SPACA7: variants seen among roughly 807,000 people sequenced by gnomAD.
The protein encoded by SPACA7 is sperm acrosome-associated protein 7.
In SPACA7, 19 loss-of-function variants were observed where a neutral mutation model predicts 26.3. The observed-to-expected ratio is 0.72, with a 90% confidence interval of 0.50 to 1.06. SPACA7 has a LOEUF of 1.06. Ranked by LOEUF, SPACA7 falls within the 50% of genes least tolerant of loss-of-function variation. The pLI is 0.00. For missense variants in SPACA7, 211 were observed against 229.9 expected, an observed-to-expected ratio of 0.92 and a Z score of 0.53; for synonymous variants, 84 against 84.5, an observed-to-expected ratio of 0.99 and a Z score of 0.04.
At chr13:112,433,164 T>G in intron 6 of SPACA7, among the ~76,000 whole-genome samples, 1 of 149,056 alleles carries the variant, frequency 6.7e-6, no homozygotes, top group Non-Finnish European at 1.5e-5. Context: ...CCTCCCCCCA[T>G]ACCCTGCAGC....
chr13:112,433,695 G>A (rs1877427040), intron 6 of SPACA7, among the ~76,000 whole-genome samples: 1 of 151,630 alleles, frequency 6.6e-6, no homozygotes, highest in Admixed American at 6.6e-5. Flanking sequence ...GGGGCCCCCA[G>A]CCCCCCAAGT....
chr13:112,404,466 TTCTTGCTCATGAAG>T (rs918472759), intron 5 of SPACA7, among the ~76,000 whole-genome samples: 1 of 152,238 alleles, frequency 6.6e-6, no homozygotes, highest in African/African-American at 2.4e-5. Context: ...TGCATTTGGG[TTCTTGCTCATGAAG>T]TCTTTGCCTA....
chr13:112,414,033 G>A (rs1886517959), intron 5 of SPACA7, among the ~76,000 whole-genome samples: 1 of 152,074 alleles, frequency 6.6e-6, no homozygotes, highest in Admixed American at 6.5e-5. Flanking sequence ...CCATGCTCTT[G>A]AACAACCAGC....
Position 112,425,703 on chromosome 13 carries a change from C to T in SPACA7, c.446-6741C>T, listed in dbSNP as rs9577751. ...GAGAGAGAGAGAGAAGCTCTCACAG[C>T]GTAACATGATTTTTTTGTGCCCTGG... On this transcript the variant is annotated intron_variant, in intron 5 of 6. Transcript: ENST00000283550. 8.3e-4 allele frequency among the ~76,000 whole-genome samples: 126 copies of T among 152,114 alleles called. 3 individuals are homozygous for T. The East Asian group carries it at 0.021, about 26-fold the overall frequency.
chr13:112,419,507 G>A (rs1566484350), intron 5 of SPACA7, among the ~76,000 whole-genome samples: 1 of 152,174 alleles, frequency 6.6e-6, no homozygotes, highest in Non-Finnish European at 1.5e-5. Context: ...TTGCGGAGGG[G>A]CAGCAAAGCC....
chr13:112,394,624 G>A (rs1253408077), intron 2 of SPACA7, among the ~76,000 whole-genome samples: 3 of 152,138 alleles, frequency 2.0e-5, no homozygotes, highest in Admixed American at 6.5e-5. Flanking sequence ...TCCCATTCTC[G>A]CTCCTGCCGC....
rs904947662 is a variant in SPACA7, at chr13:112,434,638, G to A, written c.*89G>A. Reference sequence around the variant, plus strand: ...CGGAACAGGGCACTTGTGTGCACACGCCCACGTTCTCTGAACCATTCCACA... The same window carrying A: ...CGGAACAGGGCACTTGTGTGCACACACCCACGTTCTCTGAACCATTCCACA... On this transcript the variant is annotated 3_prime_UTR_variant, in exon 7 of 7. Transcript: ENST00000283550. 1.2e-5 allele frequency: 12 copies of A among 1,033,904 alleles called. No homozygotes were observed. Among genetic ancestry groups the A allele is most frequent in the African/African-American group, 4.8e-5 (3 of 62,824 alleles). 64.0% of individuals were successfully genotyped at this position (1,033,904 alleles called of 1,614,324 possible). A position where few individuals can be genotyped will look rare whatever the true frequency, so the allele number is the denominator to read the frequency against.
At chr13:112,399,845 G>A (rs936432514) in intron 4 of SPACA7, among the ~76,000 whole-genome samples, 1 of 152,160 alleles carries the variant, frequency 6.6e-6, no homozygotes, top group African/African-American at 2.4e-5. Flanking sequence ...GGAGCCCTCA[G>A]GAAACTTACA....
chr13:112,426,568 C>A (rs540162748), intron 5 of SPACA7, among the ~76,000 whole-genome samples: 104 of 152,258 alleles, frequency 6.8e-4, no homozygotes, highest in Middle Eastern at 6.8e-3. Flanking sequence ...TCTTTGCTTT[C>A]TTTCACTTTT....
At chr13:112,429,621 T>C (rs1017328699) in intron 5 of SPACA7, among the ~76,000 whole-genome samples, 2 of 152,192 alleles carry the variant, frequency 1.3e-5, no homozygotes, top group Non-Finnish European at 2.9e-5. Context: ...GAACATATGG[T>C]ATACAGTTTT....
chr13:112,376,360 G>C lies in SPACA7; in HGVS notation c.-26G>C, dbSNP rs2296896. 5 of 1,606,418 alleles carry C rather than the reference G, an allele frequency of 3.1e-6. No individual in the cohort carries two copies. Among genetic ancestry groups the C allele is most frequent in the Non-Finnish European group, 3.4e-6 (4 of 1,176,596 alleles). Reference sequence around the variant, plus strand: ...ATGGGAAACTGTCAACCTTCAGAACGTCCTTCTCCCTCAGCTGGAGGGAGC... The same window carrying C: ...ATGGGAAACTGTCAACCTTCAGAACCTCCTTCTCCCTCAGCTGGAGGGAGC... On this transcript the variant is annotated 5_prime_UTR_variant, in exon 1 of 7. Transcript: ENST00000283550.
intron 5 of SPACA7, among the ~76,000 whole-genome samples, chr13:112,407,904 G>C (rs1886093351): frequency 6.6e-6 from 1 of 152,122 alleles, no homozygotes; most frequent in African/African-American, 2.4e-5. Context: ...AAGGCTGACA[G>C]AGACACAACA....
chr13:112,401,016 T>A, intron 4 of SPACA7, 53 bp from the exon 5 acceptor site: 1 of 1,301,066 alleles, frequency 7.7e-7, no homozygotes, highest in Non-Finnish European at 1.1e-6. Flanking sequence ...AAAGTGCTTA[T>A]AAGTGTGTAA....
intron 1 of SPACA7, chr13:112,378,552 G>C (rs1883840118): frequency 5.4e-6 from 2 of 368,440 alleles, no homozygotes; most frequent in South Asian, 4.4e-5. Context: ...TTTTTTAAAA[G>C]CTTTTTGAGG....
At chr13:112,392,548 C>T (rs112564194) in intron 1 of SPACA7, among the ~76,000 whole-genome samples, 119 of 152,308 alleles carry the variant, frequency 7.8e-4, no homozygotes, top group African/African-American at 2.8e-3. Context: ...CAATGTTTCC[C>T]ATTTCCCCAG....
At position 112,381,374 on chromosome 13, in the gene SPACA7, T is replaced by C. The variant is rs568325409; in HGVS notation, c.94+4895T>C. On this transcript the variant is annotated intron_variant, in intron 1 of 6. Coordinates refer to ENST00000283550, the MANE Select transcript of SPACA7 (RefSeq NM_145248.5). Reference sequence around the variant, plus strand: ...AGGGTGTGGTGGCATGTGTCTATAGTTCTGGCTGCTTGGGAGGCTCAGATG... The same window carrying C: ...AGGGTGTGGTGGCATGTGTCTATAGCTCTGGCTGCTTGGGAGGCTCAGATG... Among the ~76,000 whole-genome samples the C allele has an allele frequency of 2.6e-4, 39 of 151,936 alleles. No homozygotes were observed. The South Asian group carries it at 8.1e-3, about 32-fold the overall frequency.
At chr13:112,401,793 T>A (rs185012805) in intron 5 of SPACA7, among the ~76,000 whole-genome samples, 1 of 152,232 alleles carries the variant, frequency 6.6e-6, no homozygotes, top group South Asian at 2.1e-4. Flanking sequence ...CCTAATTTTA[T>A]ATTTTTATGA....
At chr13:112,398,191 C>T in intron 3 of SPACA7, 53 bp downstream of exon 3, 1 of 1,352,840 alleles carries the variant, frequency 7.4e-7, no homozygotes, top group Non-Finnish European at 1.1e-6. Flanking sequence ...GCCCTTATTC[C>T]TGGAGGTCTG....
intron 1 of SPACA7, among the ~76,000 whole-genome samples, chr13:112,386,902 T>A (rs1464010721): frequency 1.3e-5 from 2 of 152,198 alleles, no homozygotes; most frequent in Non-Finnish European, 2.9e-5. Context: ...AGAAGTTTCT[T>A]TCTTTACAAG....
Sources: gnomAD v4.1 joint callset for allele counts (sites outside exome capture counted in the v4.1 genomes callset) on GRCh38, gnomAD v4.1.1 for gene constraint, MANE v1.5 for transcripts, NCBI Gene and HGNC (gene_info 2026-07-23, HGNC 2026-07-21) for gene names.